The following SNED1 variants were observed in gnomAD, a reference collection of about 807,000 sequenced individuals.
The protein encoded by SNED1 is sushi, nidogen and EGF-like domain-containing protein 1.
A neutral mutation model predicts 166.7 loss-of-function variants in SNED1; 81 were observed. The ratio of observed to expected loss-of-function variants is 0.49; its 90% confidence interval spans 0.41 to 0.58. The LOEUF is 0.58. Ranked by LOEUF, SNED1 falls within the 20% of genes least tolerant of loss-of-function variation. The pLI, the probability that SNED1 is intolerant of heterozygous loss-of-function variation, is 0.00. For missense variants in SNED1, 1,604 were observed against 2,000.2 expected, an observed-to-expected ratio of 0.80 and a Z score of 3.78; for synonymous variants, 762 against 822.0, an observed-to-expected ratio of 0.93 and a Z score of 1.25.
At chr2:241,063,482 T>G (rs1357584643) in intron 17 of SNED1, 105 bp from the exon 18 acceptor site, 1 of 778,514 alleles carries the variant, frequency 1.3e-6, no homozygotes, top group Non-Finnish European at 2.3e-6. Flanking sequence ...TGCTCCCAGC[T>G]GGGAAAGGGG....
intron 15 of SNED1, among the ~76,000 whole-genome samples, 166 bp from the exon 16 acceptor site, chr2:241,052,987 G>A (rs528297712): frequency 5.3e-5 from 8 of 152,274 alleles, no homozygotes; most frequent in East Asian, 3.9e-4. Flanking sequence ...AGAAGGAAAC[G>A]TATCACGGCA....
intron 8 of SNED1, among the ~76,000 whole-genome samples, chr2:241,042,921 G>C (rs990525730): frequency 5.9e-5 from 9 of 152,162 alleles, no homozygotes; most frequent in African/African-American, 1.9e-4. Context: ...GGAGGATGGA[G>C]AACAGTATCA....
Position 241,065,416 on chromosome 2 carries a change from C to T in SNED1, c.2831C>T (p.Thr944Ile). The part of the protein sequence containing the change: ...ARQMLDGYAV[T>I]YVSSDGSYRR... Reference sequence around the variant, plus strand: ...CAGATGCTTGATGGCTACGCGGTCACCTACGTCTCCTCCGACGGCTCCTAC... The same window carrying T: ...CAGATGCTTGATGGCTACGCGGTCATCTACGTCTCCTCCGACGGCTCCTAC... Residue 944 changes from threonine (T) to isoleucine (I), a missense_variant, in exon 21 of 32, where the codon ACC becomes ATC. By Grantham distance (89) the Thr-to-Ile change is moderately conservative. Around this residue, in one of 2 missense-constraint regions of SNED1, gnomAD observed 1,237 missense variants for 1,620.8 expected, o/e 0.76. Coordinates refer to ENST00000310397, the MANE Select transcript of SNED1 (RefSeq NM_001080437.3). The T allele has an allele frequency of 6.2e-7, 1 of 1,613,164 alleles. No individual in the cohort carries two copies. The highest frequency in any genetic ancestry group is 8.5e-7 in the Non-Finnish European group (1 of 1,179,862).
chr2:241,017,927 A>G (rs989390062), intron 1 of SNED1, among the ~76,000 whole-genome samples: 7 of 152,224 alleles, frequency 4.6e-5, no homozygotes, highest in Non-Finnish European at 8.8e-5. Flanking sequence ...GAGGCAATGA[A>G]TGAGCCAAAA....
In SNED1 at chr2:241,051,156, C is replaced by G. The variant is rs2061826149; in HGVS notation, c.1736-588C>G. 2 of 152,384 alleles carry G rather than the reference C, an allele frequency of 1.3e-5. No individual in the cohort carries two copies. The highest frequency in any genetic ancestry group is 4.8e-5 in the African/African-American group (2 of 41,470). The allele number at this position is 152,384 out of a possible 1,614,324, so 9.4% of individuals were successfully genotyped here. ...GGGTCCAAGGATTCGGCACTCCTCA[C>G]TGGCCCTTTGACAGTGTGATTGTCA... On this transcript the variant is annotated intron_variant, in intron 12 of 31. Transcript: ENST00000310397. This position sits in a 1 kb window ranked among gnomAD's most constrained non-coding sequence, Gnocchi z 4.7.
intron 30 of SNED1, 128 bp downstream of exon 30, chr2:241,087,603 C>T (rs2063649334): frequency 1.0e-5 from 15 of 1,449,262 alleles, no homozygotes; most frequent in Admixed American, 2.9e-5. Context: ...CCCAGATAGG[C>T]AGCCCCTGGG....
In SNED1 at chr2:241,070,071, C is replaced by A. The variant is rs367610382; in HGVS notation, c.3459C>A (p.Asn1153Lys). ...GCACCAAGAGCCGCTATGTCCCCAA[C>A]GGGAAGCTGGCGTCCTACACGGTGC... ...SQSTKSRYVP[N>K]GKLASYTVRD... Residue 1153 changes from asparagine to lysine, a missense_variant, in exon 24 of 32, where the codon AAC becomes AAA. Around this residue, in one of 2 missense-constraint regions of SNED1, gnomAD observed 367 missense variants for 379.4 expected, o/e 0.97. Coordinates refer to ENST00000310397, the MANE Select transcript of SNED1 (RefSeq NM_001080437.3). 1 of 1,612,980 alleles carries A rather than the reference C, an allele frequency of 6.2e-7. No homozygotes were observed. The highest frequency in any genetic ancestry group is 8.5e-7 in the Non-Finnish European group (1 of 1,179,900).
At position 241,064,295 on chromosome 2, in the gene SNED1, G is replaced by A. The variant is rs1189595006; in HGVS notation, c.2599+170G>A. 1.3e-5 allele frequency among the ~76,000 whole-genome samples: 2 copies of A among 151,092 alleles called. No individual in the cohort carries two copies. Among genetic ancestry groups the A allele is most frequent in the African/African-American group, 4.9e-5 (2 of 40,952 alleles). On this transcript the variant is annotated intron_variant, in intron 19 of 31. Transcript: ENST00000310397. The surrounding 1 kb of genome is among the most constrained non-coding windows in gnomAD (Gnocchi z 7.0). ...TTCTCAGGCCAGTGGCCCTCCGCCT[G>A]TCTCCCTTGGTCCCACAATGGTGCC...
intron 12 of SNED1, among the ~76,000 whole-genome samples, chr2:241,050,621 G>A (rs1187414564): frequency 1.3e-5 from 2 of 152,176 alleles, no homozygotes; most frequent in East Asian, 1.9e-4. Context: ...CCTGGACCCC[G>A]TGGCTCCCCC....
At position 241,068,756 on chromosome 2, in the gene SNED1, C is replaced by T. The variant is rs1383664455; in HGVS notation, c.3195-155C>T. Among the ~76,000 whole-genome samples the T allele has an allele frequency of 2.0e-5, 3 of 152,144 alleles. No individual in the cohort carries two copies. Among genetic ancestry groups the T allele is most frequent in the Non-Finnish European group, 4.4e-5 (3 of 68,018 alleles). ...CCCTAGGAGCACACGGCTCTGAGGG[C>T]CATGAGTCTGCCCCTCGTGGAGGTT... is the stretch of plus-strand genomic sequence containing the variant. On this transcript the variant is annotated intron_variant, in intron 22 of 31. Transcript: ENST00000310397. This position sits in a 1 kb window ranked among gnomAD's most constrained non-coding sequence, Gnocchi z 5.3.
chr2:241,087,468 C>T lies in SNED1; in HGVS notation c.4198C>T (p.Pro1400Ser). ...TGAAAGCACAAGCCTCAAGAAGACC[C>T]CAAACAGGTGCCTCTGGGGAGCAGG... is the stretch of plus-strand genomic sequence containing the variant. Reference protein sequence around the residue: ...SCESTSLKKTPNRKQSKSQTL... With the variant: ...SCESTSLKKTSNRKQSKSQTL... Residue 1400 changes from proline to serine, a missense_variant, in exon 30 of 32, where the codon CCA becomes TCA. Pro to Ser is a moderately conservative substitution (Grantham distance 74). Coordinates refer to ENST00000310397, the MANE Select transcript of SNED1 (RefSeq NM_001080437.3). 3 of 1,601,988 alleles carry T rather than the reference C, an allele frequency of 1.9e-6. No individual in the cohort carries two copies. Among genetic ancestry groups the T allele is most frequent in the Non-Finnish European group, 2.6e-6 (3 of 1,174,204 alleles).
intron 1 of SNED1, among the ~76,000 whole-genome samples, chr2:241,009,843 C>A (rs2060333238): frequency 6.6e-6 from 1 of 152,120 alleles, no homozygotes; most frequent in African/African-American, 2.4e-5. Flanking sequence ...TCCCCGGAGG[C>A]CTAGCCCAGT....
At chr2:241,077,721 C>T (rs1173867242) in intron 27 of SNED1, among the ~76,000 whole-genome samples, 1 of 152,176 alleles carries the variant, frequency 6.6e-6, no homozygotes, top group Non-Finnish European at 1.5e-5. Context: ...GGAAGATATG[C>T]AAATGGCCAG....
At chr2:241,060,160 CA>C (rs2062187050) in intron 16 of SNED1, among the ~76,000 whole-genome samples, 1 of 151,640 alleles carries the variant, frequency 6.6e-6, no homozygotes, top group African/African-American at 2.4e-5. Context: ...GAACTATAAA[CA>C]TAAATGTAAA....
chr2:241,095,069 C>G lies in SNED1; in HGVS notation c.*3433C>G, dbSNP rs1197143493. 5 of 143,590 alleles carry G rather than the reference C, an allele frequency of 3.5e-5. No homozygotes were observed. Among genetic ancestry groups the G allele is most frequent in the East Asian group, 2.0e-4 (1 of 5,002 alleles). The allele number at this position is 143,590 out of a possible 1,614,324, so 8.9% of individuals were successfully genotyped here. On this transcript the variant is annotated 3_prime_UTR_variant, in exon 32 of 32. Coordinates refer to ENST00000310397, the MANE Select transcript of SNED1 (RefSeq NM_001080437.3). ...TTCCCTAAGGTGACACGCCCCCCCC[C>G]CCCCCCACACCCACCTTGGGGGGTC... is the stretch of plus-strand genomic sequence containing the variant.
At chr2:241,011,538 A>G (rs904688875) in intron 1 of SNED1, among the ~76,000 whole-genome samples, 52 of 152,220 alleles carry the variant, frequency 3.4e-4, no homozygotes, top group African/African-American at 1.3e-3. Flanking sequence ...ACACCTAGCC[A>G]TGAACAGGGG....
chr2:241,079,530 A>C (rs952184788), intron 27 of SNED1, among the ~76,000 whole-genome samples: 1 of 150,474 alleles, frequency 6.6e-6, no homozygotes. Flanking sequence ...AATGAAACTA[A>C]TAAGATGGTT....
In SNED1 at chr2:241,078,080, A is replaced by G. The variant is rs76742695; in HGVS notation, c.3917-3597A>G. On this transcript the variant is annotated intron_variant, in intron 27 of 31. Transcript: ENST00000310397. ...AGAAAGTAGAAACCACCAAAGTGTC[A>G]ATCAACTAACGAAAGGAAAAGTGGC... is the stretch of plus-strand genomic sequence containing the variant. Among the ~76,000 whole-genome samples the G allele has an allele frequency of 2.5e-3, 382 of 152,308 alleles. 13 individuals are homozygous for G. In the East Asian group the frequency reaches 0.065, roughly 26 times the overall value.
At chr2:241,007,874 G>A (rs1039010923) in intron 1 of SNED1, among the ~76,000 whole-genome samples, 1 of 152,170 alleles carries the variant, frequency 6.6e-6, no homozygotes. Flanking sequence ...CTCCTGAATC[G>A]ATGTGTGTCT....
Sources: allele counts gnomAD v4.1 joint callset (sites outside exome capture counted in the v4.1 genomes callset), GRCh38; gene constraint gnomAD v4.1.1; regional missense constraint gnomAD v4.1.1; non-coding constraint Gnocchi (gnomAD v3.1); transcripts MANE v1.5; gene names NCBI Gene and HGNC (gene_info 2026-07-23, HGNC 2026-07-21).